SEC14L1: variants seen among roughly 807,000 people sequenced by gnomAD.
The protein encoded by SEC14L1 is SEC14-like protein 1.
In SEC14L1, 48 loss-of-function variants were observed where a neutral mutation model predicts 85.3. The observed-to-expected ratio is 0.56, with a 90% CI of 0.45 to 0.72. SEC14L1 has a LOEUF of 0.72. Among genes scored for constraint, SEC14L1 ranks in the 30% least tolerant of loss-of-function variants. The pLI, the probability that SEC14L1 is intolerant of heterozygous loss-of-function variation, is 0.00. For synonymous variants in SEC14L1, 391 were observed against 355.5 expected (o/e 1.10, Z -1.12); for missense variants, 682 against 921.4 (o/e 0.74, Z 3.36).
Position 77,174,957 on chromosome 17 carries a change from C to G in SEC14L1, c.64-15846C>G, listed in dbSNP as rs115083452. Among the ~76,000 whole-genome samples the G allele has an allele frequency of 7.0e-3, 1,069 of 152,252 alleles. 14 individuals are homozygous for G. Among genetic ancestry groups the G allele is most frequent in the African/African-American group, 0.024 (998 of 41,544 alleles). ...TTGGACTGTACAATCTAAACTGATCCCAGTTGGCTAAGACTTAAAACTTTT... is the reference window on the plus strand; with the variant it reads ...TTGGACTGTACAATCTAAACTGATCGCAGTTGGCTAAGACTTAAAACTTTT... On this transcript the variant is annotated intron_variant, in intron 3 of 16. Coordinates refer to ENST00000436233, the MANE Select transcript of SEC14L1 (RefSeq NM_001143998.2).
chr17:77,180,331 A>G (rs1381216094), intron 3 of SEC14L1, among the ~76,000 whole-genome samples: 2 of 151,942 alleles, frequency 1.3e-5, no homozygotes, highest in African/African-American at 2.4e-5. Flanking sequence ...ACCTCAGGTG[A>G]TCTGCCCGCC....
At chr17:77,191,151 A>G (rs769992057) in intron 4 of SEC14L1, 30 bp from the exon 5 acceptor site, 6 of 1,601,868 alleles carry the variant, frequency 3.7e-6, no homozygotes, top group Non-Finnish European at 4.3e-6. Context: ...GTTATTAATA[A>G]ACCCATTTCT....
At chr17:77,118,997 T>C (rs774577038) in intron 3 of SEC14L1, among the ~76,000 whole-genome samples, 35 of 151,916 alleles carry the variant, frequency 2.3e-4, no homozygotes, top group Non-Finnish European at 4.3e-4. Flanking sequence ...TCTGCATGCA[T>C]TGATGAAGGA....
At position 77,206,248 on chromosome 17, in the gene SEC14L1, G is replaced by A; in HGVS notation, c.1189G>A (p.Asp397Asn). ...RPISSWTCLV[D>N]LEGLNMRHLW... ...CTGCAGCTCATGGACCTGCCTGGTGGACTTGGAAGGGCTGAACATGCGCCA... is the reference window on the plus strand; with the variant it reads ...CTGCAGCTCATGGACCTGCCTGGTGAACTTGGAAGGGCTGAACATGCGCCA... Residue 397 changes from aspartate to asparagine, a missense_variant, in exon 12 of 17, where the codon GAC becomes AAC. Asp to Asn is a conservative substitution (Grantham distance 23). Coordinates refer to ENST00000436233, the MANE Select transcript of SEC14L1 (RefSeq NM_001143998.2). This position sits in a 1 kb window ranked among gnomAD's most constrained non-coding sequence, Gnocchi z 4.3. 1 of 1,614,100 alleles carries A rather than the reference G, an allele frequency of 6.2e-7. No individual in the cohort carries two copies. Among genetic ancestry groups the A allele is most frequent in the Non-Finnish European group, 8.5e-7 (1 of 1,179,992 alleles).
chr17:77,116,971 C>T (rs1223564131), intron 3 of SEC14L1, among the ~76,000 whole-genome samples: 1 of 152,184 alleles, frequency 6.6e-6, no homozygotes, highest in East Asian at 1.9e-4. Flanking sequence ...GCATCCTCTT[C>T]ATTTGCTGTA....
At position 77,213,702 on chromosome 17, in the gene SEC14L1, C is replaced by T; in HGVS notation, c.2042+210C>T. The T allele has an allele frequency of 1.2e-6, 1 of 852,308 alleles. No individual in the cohort carries two copies. 52.8% of individuals were successfully genotyped at this position (852,308 alleles called of 1,614,324 possible). On this transcript the variant is annotated intron_variant, in intron 16 of 16. Coordinates refer to ENST00000436233, the MANE Select transcript of SEC14L1 (RefSeq NM_001143998.2). The surrounding 1 kb of genome is among the most constrained non-coding windows in gnomAD (Gnocchi z 7.1). The stretch of plus-strand genomic sequence containing the variant: ...GAGTGTCGGAGACAGAGCCGACTGA[C>T]TGCCTTTGCTTTAGCTCACACTGCC...
chr17:77,193,973 G>T (rs1347965721), intron 6 of SEC14L1, among the ~76,000 whole-genome samples: 1 of 152,188 alleles, frequency 6.6e-6, no homozygotes, highest in African/African-American at 2.4e-5. Flanking sequence ...TCAGTTGTTA[G>T]GGAATTGTGG....
intron 5 of SEC14L1, among the ~76,000 whole-genome samples, chr17:77,192,509 C>G (rs972337061): frequency 6.6e-6 from 1 of 152,158 alleles, no homozygotes; most frequent in Non-Finnish European, 1.5e-5. Flanking sequence ...CAGTGGGCCT[C>G]CCCCAGGGGC....
In SEC14L1 at chr17:77,214,195, A is replaced by G; in HGVS notation, c.*172A>G. The stretch of plus-strand genomic sequence containing the variant: ...TGATCCCAAAACTACCTTGGCAGGT[A>G]GTTTTAACTCTGATCCTAACTTAAC... On this transcript the variant is annotated 3_prime_UTR_variant, in exon 17 of 17. Transcript: ENST00000436233. 5 of 1,413,732 alleles carry G rather than the reference A, an allele frequency of 3.5e-6. No individual in the cohort carries two copies. The highest frequency in any genetic ancestry group is 4.6e-6 in the Non-Finnish European group (5 of 1,087,610). 87.6% of individuals were successfully genotyped at this position (1,413,732 alleles called of 1,614,324 possible).
At position 77,110,528 on chromosome 17, in the gene SEC14L1, G is replaced by A. The variant is rs897062996; in HGVS notation, c.-136+17181G>A. Among the ~76,000 whole-genome samples the A allele has an allele frequency of 2.6e-5, 4 of 152,086 alleles. 1 individual carries two copies. Among genetic ancestry groups the A allele is most frequent in the African/African-American group, 4.8e-5 (2 of 41,414 alleles). On this transcript the variant is annotated intron_variant, in intron 3 of 19. Coordinates refer to the SEC14L1 transcript ENST00000392476. Reference sequence around the variant, plus strand: ...AACATTTGCCCATGGTGGTCAGGACGCAGCTTGGTTTAAACATTTTAGAGA... The same window carrying A: ...AACATTTGCCCATGGTGGTCAGGACACAGCTTGGTTTAAACATTTTAGAGA...
In SEC14L1 at chr17:77,107,243, G is replaced by A. The variant is rs1393813967; in HGVS notation, c.-136+13896G>A. On this transcript the variant is annotated intron_variant, in intron 3 of 19. Coordinates refer to the SEC14L1 transcript ENST00000392476. ...CCCACGCCAGGCTCCGGGCTCCGGG[G>A]TCCAGGCTCCAGGCACCAGGCTCTG... Among the ~76,000 whole-genome samples, 4 of 152,112 alleles carry A rather than the reference G, an allele frequency of 2.6e-5. 1 individual carries two copies. Among genetic ancestry groups the A allele is most frequent in the Non-Finnish European group, 5.9e-5 (4 of 68,018 alleles).
chr17:77,133,593 T>C (rs1972683337), intron 3 of SEC14L1, among the ~76,000 whole-genome samples: 1 of 152,014 alleles, frequency 6.6e-6, no homozygotes, highest in South Asian at 2.1e-4. Context: ...CATCAAGGCT[T>C]CCATTCACCA....
intron 3 of SEC14L1, among the ~76,000 whole-genome samples, chr17:77,131,026 C>G (rs1472808122): frequency 6.6e-6 from 1 of 152,130 alleles, no homozygotes; most frequent in African/African-American, 2.4e-5. Flanking sequence ...GACGATGGTA[C>G]CCAAGCAACT....
At chr17:77,187,784 A>C (rs1277369684) in intron 3 of SEC14L1, among the ~76,000 whole-genome samples, 3 of 134,788 alleles carry the variant, frequency 2.2e-5, no homozygotes, top group Non-Finnish European at 4.7e-5. Context: ...TTACTCTGTT[A>C]CCCAGGCTGG....
intron 3 of SEC14L1, among the ~76,000 whole-genome samples, chr17:77,145,363 C>T (rs1191380085): frequency 6.6e-6 from 1 of 152,074 alleles, no homozygotes; most frequent in Non-Finnish European, 1.5e-5. Flanking sequence ...AAAAGAATCC[C>T]TCACACCTTT....
chr17:77,187,999 C>A (rs550498067), intron 3 of SEC14L1, among the ~76,000 whole-genome samples: 3 of 152,276 alleles, frequency 2.0e-5, no homozygotes, highest in Non-Finnish European at 4.4e-5. Context: ...CACGCCTGGG[C>A]CTCTGGATCG....
rs1278084752 is a variant in SEC14L1, at chr17:77,215,596, C to T, written c.*1573C>T. Reference sequence around the variant, plus strand: ...TCGGGTCAGCCCTAGTGGCTGCCTGCACACTGTAGACGTCCCAGGGCCTGT... The same window carrying T: ...TCGGGTCAGCCCTAGTGGCTGCCTGTACACTGTAGACGTCCCAGGGCCTGT... On this transcript the variant is annotated 3_prime_UTR_variant, in exon 17 of 17. Coordinates refer to ENST00000436233, the MANE Select transcript of SEC14L1 (RefSeq NM_001143998.2). 1.2e-5 allele frequency: 12 copies of T among 988,038 alleles called. No homozygotes were observed. The highest frequency in any genetic ancestry group is 1.3e-5 in the Non-Finnish European group (11 of 831,062). The allele number at this position is 988,038 out of a possible 1,614,324, so 61.2% of individuals were successfully genotyped here.
chr17:77,205,222 G>T (rs899150700), intron 10 of SEC14L1, 54 bp from the exon 11 acceptor site: 31 of 1,464,258 alleles, frequency 2.1e-5, no homozygotes, highest in Non-Finnish European at 2.8e-5. Context: ...GCTGGACGCG[G>T]TAGTTTTAGC....
intron 3 of SEC14L1, among the ~76,000 whole-genome samples, chr17:77,174,953 G>A (rs1242381844): frequency 6.6e-6 from 1 of 152,200 alleles, no homozygotes; most frequent in East Asian, 1.9e-4. Flanking sequence ...AATCTAAACT[G>A]ATCCCAGTTG....
Sources: allele counts gnomAD v4.1 joint callset (sites outside exome capture counted in the v4.1 genomes callset), GRCh38; gene constraint gnomAD v4.1.1; non-coding constraint Gnocchi (gnomAD v3.1); transcripts MANE v1.5; gene names NCBI Gene and HGNC (gene_info 2026-07-23, HGNC 2026-07-21).